The following CDH23 variants were observed in gnomAD, a reference collection of about 807,000 sequenced individuals.
CDH23 encodes the protein cadherin-23.
Under a neutral mutation model 317.1 loss-of-function variants are expected in CDH23, and 189 were observed. That is an observed-to-expected ratio of 0.60 (90% CI 0.53 to 0.67). CDH23 has a LOEUF of 0.67. CDH23 is among the 30% of genes least tolerant of loss of function. The pLI is 0.00. For missense variants in CDH23, 4,401 were observed against 4,592.4 expected (o/e 0.96, Z 1.20); for synonymous variants, 1,839 against 1,876.8 (o/e 0.98, Z 0.52).
chr10:71,794,035 CTT>C (rs374961663), intron 48 of CDH23, among the ~76,000 whole-genome samples: 252 of 152,088 alleles, frequency 1.7e-3, no homozygotes, highest in African/African-American at 6.0e-3. Context: ...GAATTTCACT[CTT>C]GTCACCTAGG....
At chr10:71,493,308 T>A (rs147984575) in intron 3 of CDH23, among the ~76,000 whole-genome samples, 1 of 152,232 alleles carries the variant, frequency 6.6e-6, no homozygotes, top group East Asian at 1.9e-4. Flanking sequence ...CATGAGGTGG[T>A]GACTTGCAAG....
At chr10:71,627,431 G>A (rs1015692709) in intron 11 of CDH23, among the ~76,000 whole-genome samples, 22 of 152,148 alleles carry the variant, frequency 1.4e-4, no homozygotes, top group East Asian at 1.9e-4. Context: ...ATCCTATGGC[G>A]TGCTTCCTCC....
intron 6 of CDH23, among the ~76,000 whole-genome samples, chr10:71,564,400 C>T (rs1251683382): frequency 6.6e-6 from 1 of 152,218 alleles, no homozygotes; most frequent in African/African-American, 2.4e-5. Flanking sequence ...ATGAATGGCT[C>T]CTTGCCAGGC....
rs1251769507 is a variant in CDH23 at position 71,682,573 on chromosome 10, G to A, written c.1986+1G>A. On this transcript the variant is annotated splice_donor_variant, in intron 18 of 69. Transcript: ENST00000224721. LOFTEE classifies it high-confidence loss of function. ...CGTCCCTGTCACCATCGAGGTGTTT[G>A]TAAGTACCCAGGGCCACTGGCCTTG... 1 of 1,613,002 alleles carries A rather than the reference G, an allele frequency of 6.2e-7. No homozygotes were observed. Among genetic ancestry groups the A allele is most frequent in the Admixed American group, 1.7e-5 (1 of 59,920 alleles).
intron 38 of CDH23, chr10:71,773,523 G>A (rs988828800): frequency 7.5e-7 from 1 of 1,325,492 alleles, no homozygotes; most frequent in Non-Finnish European, 1.0e-6. Context: ...CCGCGACTGA[G>A]TGCGAGCGAG....
At chr10:71,668,947 C>T (rs1864027855) in intron 14 of CDH23, among the ~76,000 whole-genome samples, 1 of 152,184 alleles carries the variant, frequency 6.6e-6, no homozygotes, top group Non-Finnish European at 1.5e-5. Context: ...TTATAAAGGC[C>T]CAAATGACAG....
At position 71,704,966 on chromosome 10, in the gene CDH23, C is replaced by T. The variant is rs763602387; in HGVS notation, c.2789C>T (p.Pro930Leu). ...GLNGLVSYRM[P>L]VGMPRMDFLI... ...AACGGCCTGGTGTCCTACCGCATGC[C>T]GGTGGGCATGCCCCGCATGGACTTC... Residue 930 changes from proline to leucine, a missense_variant, in exon 25 of 70, where the codon CCG becomes CTG. By Grantham distance (98) the Pro-to-Leu change is moderately conservative (BLOSUM62 -3). Transcript: ENST00000224721. The T allele has an allele frequency of 5.3e-5, 85 of 1,612,826 alleles. 2 individuals are homozygous for T. The South Asian group carries it at 5.9e-4, about 11-fold the overall frequency.
intron 38 of CDH23, among the ~76,000 whole-genome samples, chr10:71,769,121 A>G (rs1220833575): frequency 6.6e-6 from 1 of 152,258 alleles, no homozygotes; most frequent in Non-Finnish European, 1.5e-5. Flanking sequence ...GTTTTACATT[A>G]AATAACATTG....
At chr10:71,424,463 A>G (rs184487692) in intron 1 of CDH23, among the ~76,000 whole-genome samples, 1 of 152,356 alleles carries the variant, frequency 6.6e-6, no homozygotes, top group East Asian at 1.9e-4. Context: ...TGTATCACTT[A>G]ACTCAAAGGG....
chr10:71,644,227 C>T (rs1428319147), intron 12 of CDH23, among the ~76,000 whole-genome samples: 3 of 152,226 alleles, frequency 2.0e-5, no homozygotes, highest in Non-Finnish European at 2.9e-5. Flanking sequence ...TGGAGCCCCG[C>T]GGCTTGCCTG....
At chr10:71,625,841 G>A (rs1034260712) in intron 11 of CDH23, among the ~76,000 whole-genome samples, 15 of 152,320 alleles carry the variant, frequency 9.8e-5, no homozygotes, top group African/African-American at 3.6e-4. Context: ...GCCCTGGGTG[G>A]AGAAAAATCT....
intron 26 of CDH23, among the ~76,000 whole-genome samples, chr10:71,708,158 C>G (rs1239824656): frequency 6.6e-6 from 1 of 152,160 alleles, no homozygotes; most frequent in Non-Finnish European, 1.5e-5. Context: ...GCAGATGGTA[C>G]TTCAGACACT....
chr10:71,398,448 T>TGTGC (rs1166343535), intron 1 of CDH23, among the ~76,000 whole-genome samples: 1 of 150,350 alleles, frequency 6.7e-6, no homozygotes, highest in African/African-American at 2.4e-5. Context: ...TGTGTGTGTG[T>TGTGC]GTGTGTGTGT....
chr10:71,562,691 C>T (rs1857194746), intron 6 of CDH23, among the ~76,000 whole-genome samples: 1 of 152,240 alleles, frequency 6.6e-6, no homozygotes, highest in African/African-American at 2.4e-5. Context: ...GGTCCCAGCA[C>T]CGCAGCCATG....
chr10:71,674,926 C>T (rs1211239150), intron 14 of CDH23, among the ~76,000 whole-genome samples, 186 bp from the exon 15 acceptor site: 1 of 152,152 alleles, frequency 6.6e-6, no homozygotes, highest in African/African-American at 2.4e-5. Flanking sequence ...AGTTTCTGTC[C>T]CACTCTGCTT....
At chr10:71,774,151 T>C (rs534374548) in intron 38 of CDH23, among the ~76,000 whole-genome samples, 2 of 151,864 alleles carry the variant, frequency 1.3e-5, no homozygotes, top group South Asian at 2.1e-4. Flanking sequence ...CACACAGATA[T>C]GCAGGCAACA....
intron 14 of CDH23, among the ~76,000 whole-genome samples, chr10:71,657,419 C>T (rs1042343128): frequency 2.0e-4 from 31 of 152,370 alleles, no homozygotes; most frequent in Admixed American, 7.8e-4. Context: ...CCAGGGTTCT[C>T]CATGGTTTTC....
intron 6 of CDH23, among the ~76,000 whole-genome samples, chr10:71,534,188 C>T (rs1350977868): frequency 6.6e-6 from 1 of 152,106 alleles, no homozygotes; most frequent in South Asian, 2.1e-4. Flanking sequence ...AGCATATTTC[C>T]AGCCCACCCC....
At chr10:71,737,176 C>G (rs1225436171) in intron 34 of CDH23, among the ~76,000 whole-genome samples, 2 of 152,130 alleles carry the variant, frequency 1.3e-5, no homozygotes, top group Non-Finnish European at 2.9e-5. Flanking sequence ...TCAGGGAACT[C>G]CATAGCAAAA....
Sources: allele counts gnomAD v4.1 joint callset (sites outside exome capture counted in the v4.1 genomes callset), GRCh38; gene constraint gnomAD v4.1.1; transcripts MANE v1.5; gene names NCBI Gene and HGNC (gene_info 2026-07-23, HGNC 2026-07-21).